The following SLIT3 variants were observed in gnomAD, a reference collection of about 807,000 sequenced individuals.
The protein encoded by SLIT3 is slit homolog 3 protein.
SLIT3 carries 68 observed loss-of-function variants against 184.0 expected under a neutral mutation model. The ratio of observed to expected loss-of-function variants is 0.37; its 90% confidence interval spans 0.30 to 0.45. The LOEUF is 0.45. Ranked by LOEUF, SLIT3 falls within the 20% of genes least tolerant of loss-of-function variation. SLIT3 has a pLI of 1.00. For synonymous variants in SLIT3, 831 were observed against 828.6 expected, an observed-to-expected ratio of 1.00 and a Z score of -0.05; for missense variants, 1,707 against 2,026.0, an observed-to-expected ratio of 0.84 and a Z score of 3.02.
chr5:168,910,164 C>T (rs1162366697), intron 4 of SLIT3, among the ~76,000 whole-genome samples: 1 of 152,224 alleles, frequency 6.6e-6, no homozygotes, highest in Non-Finnish European at 1.5e-5. Context: ...ATTTACTTCT[C>T]TGGCTGATTC....
chr5:168,868,761 A>AG (rs1369271740), intron 5 of SLIT3, among the ~76,000 whole-genome samples: 3 of 141,052 alleles, frequency 2.1e-5, no homozygotes, highest in East Asian at 2.0e-4. Flanking sequence ...AAAAAAAAAA[A>AG]AAAAAGAAAA....
At chr5:168,754,207 A>G (rs74992814) in intron 16 of SLIT3, among the ~76,000 whole-genome samples, 200 bp from the exon 17 acceptor site, 2,167 of 152,310 alleles carry the variant, frequency 0.014, 53 homozygotes, top group African/African-American at 0.049. Context: ...CCCTGGCCCT[A>G]TACAGGTGAA....
chr5:169,182,191 T>C (rs1763183733), intron 4 of SLIT3, among the ~76,000 whole-genome samples: 1 of 152,060 alleles, frequency 6.6e-6, no homozygotes, highest in Admixed American at 6.5e-5. Context: ...AAAGGAACGA[T>C]GGGAAAAAAG....
intron 1 of SLIT3, among the ~76,000 whole-genome samples, chr5:169,255,750 G>T (rs1765937262): frequency 6.6e-6 from 1 of 152,102 alleles, no homozygotes. Flanking sequence ...GAGCGTGGTG[G>T]CGGGTGCCTG....
At chr5:169,212,350 T>C (rs1273532946) in intron 3 of SLIT3, among the ~76,000 whole-genome samples, 4 of 152,252 alleles carry the variant, frequency 2.6e-5, no homozygotes, top group Non-Finnish European at 5.9e-5. Flanking sequence ...TGGTTTTTAT[T>C]TGCATTTCTC....
intron 4 of SLIT3, among the ~76,000 whole-genome samples, chr5:168,936,148 TG>T (rs1762151250): frequency 6.6e-6 from 1 of 152,196 alleles, no homozygotes; most frequent in Non-Finnish European, 1.5e-5. Context: ...TTAAGGTACT[TG>T]GGTCCCATGA....
At chr5:169,295,348 A>C (rs1358552536) in intron 1 of SLIT3, among the ~76,000 whole-genome samples, 3 of 152,268 alleles carry the variant, frequency 2.0e-5, no homozygotes, top group African/African-American at 7.2e-5. Flanking sequence ...TTTACAGTTA[A>C]GAAATCATAG....
intron 4 of SLIT3, among the ~76,000 whole-genome samples, chr5:168,954,918 G>C (rs116588250): frequency 1.3e-5 from 2 of 152,172 alleles, no homozygotes; most frequent in Non-Finnish European, 2.9e-5. Context: ...TTTAAGAAAC[G>C]TGTCTATGTG....
chr5:168,951,893 G>A (rs1232920391), intron 4 of SLIT3, among the ~76,000 whole-genome samples: 1 of 152,152 alleles, frequency 6.6e-6, no homozygotes, highest in East Asian at 1.9e-4. Context: ...GATGCACAGG[G>A]CTGTTAGGGA....
At chr5:169,195,909 G>A (rs1057065949) in intron 3 of SLIT3, among the ~76,000 whole-genome samples, 1 of 152,020 alleles carries the variant, frequency 6.6e-6, no homozygotes, top group Non-Finnish European at 1.5e-5. Flanking sequence ...TATCTTCTTA[G>A]CAATAAAAAA....
intron 4 of SLIT3, among the ~76,000 whole-genome samples, chr5:168,899,805 A>AGTG (rs1554157682): frequency 1.1e-4 from 17 of 151,670 alleles, no homozygotes; most frequent in Non-Finnish European, 2.2e-4. Flanking sequence ...CATTGCCCCT[A>AGTG]AGATGACAGG....
At chr5:169,134,280 A>G (rs1271023440) in intron 4 of SLIT3, among the ~76,000 whole-genome samples, 1 of 152,244 alleles carries the variant, frequency 6.6e-6, no homozygotes, top group Non-Finnish European at 1.5e-5. Flanking sequence ...ATAAGGTCTA[A>G]CAGGAGTGGG....
At chr5:168,738,526 ATTTTTTCATGGAACACTG>A (rs1763508699) in intron 20 of SLIT3, among the ~76,000 whole-genome samples, 1 of 152,194 alleles carries the variant, frequency 6.6e-6, no homozygotes, top group Non-Finnish European at 1.5e-5. Flanking sequence ...TGGCTTTTAC[ATTTTTTCATGGAACACTG>A]TTTTTACCTA....
chr5:169,120,498 G>T (rs1467211611), intron 4 of SLIT3: 2 of 152,162 alleles, frequency 1.3e-5, no homozygotes, highest in African/African-American at 4.8e-5. Flanking sequence ...AAAAGGCAAA[G>T]AAATGAATTC....
Position 168,684,091 on chromosome 5 carries a change from G to A in SLIT3, c.3561C>T (p.Ala1187=). The change falls in exon 32 of 36, where the codon GCC becomes GCT. Residue 1187 remains alanine (A), a synonymous_variant. Coordinates refer to ENST00000519560, the MANE Select transcript of SLIT3 (RefSeq NM_003062.4). ...RPQANISLQV[A]TDKDNGILLY... ...GAAGGATGCCGTTGTCCTTGTCAGT[G>A]GCCACCTGGAGAAAGCAGCCGGGGC... 5.0e-6 allele frequency: 8 copies of A among 1,594,680 alleles called. No individual in the cohort carries two copies. The highest frequency in any genetic ancestry group is 6.8e-6 in the Non-Finnish European group (8 of 1,169,240).
chr5:168,769,073 A>G (rs1755452667), intron 14 of SLIT3, among the ~76,000 whole-genome samples: 1 of 152,182 alleles, frequency 6.6e-6, no homozygotes, highest in South Asian at 2.1e-4. Flanking sequence ...GAAGGAAGGA[A>G]AGGGAAGCCA....
intron 4 of SLIT3, among the ~76,000 whole-genome samples, chr5:169,000,670 G>A (rs983504352): frequency 1.3e-5 from 2 of 152,100 alleles, no homozygotes; most frequent in African/African-American, 2.4e-5. Context: ...GATAGATCTG[G>A]TCAGTATCAA....
chr5:169,177,820 C>T (rs1763030589), intron 4 of SLIT3, among the ~76,000 whole-genome samples: 1 of 152,170 alleles, frequency 6.6e-6, no homozygotes, highest in Non-Finnish European at 1.5e-5. Context: ...GTCACCCCCA[C>T]CTCAAGGAGA....
At chr5:169,138,239 G>A (rs115589319) in intron 4 of SLIT3, among the ~76,000 whole-genome samples, 25 of 152,264 alleles carry the variant, frequency 1.6e-4, no homozygotes, top group South Asian at 4.1e-4. Context: ...TCCCGTAAAC[G>A]CATGGGACTT....
Sources: gnomAD v4.1 joint callset for allele counts (sites outside exome capture counted in the v4.1 genomes callset) on GRCh38, gnomAD v4.1.1 for gene constraint, MANE v1.5 for transcripts, NCBI Gene and HGNC (gene_info 2026-07-23, HGNC 2026-07-21) for gene names.